DUS1L: variants seen among roughly 807,000 people sequenced by gnomAD.
DUS1L encodes the protein dihydrouridine synthase 1 like.
A neutral mutation model predicts 61.2 loss-of-function variants in DUS1L; 56 were observed. The observed-to-expected ratio is 0.92, with a 90% CI of 0.74 to 1.14. The LOEUF is 1.14. DUS1L is among the 50% of genes most tolerant of loss of function. DUS1L has a pLI of 0.00. For synonymous variants in DUS1L, 278 were observed against 259.5 expected (o/e 1.07, Z -0.69); for missense variants, 630 against 632.4 (o/e 1.00, Z 0.04).
At chr17:82,062,308 G>A (rs2033546771) in intron 5 of DUS1L, among the ~76,000 whole-genome samples, 1 of 152,230 alleles carries the variant, frequency 6.6e-6, no homozygotes. Context: ...AGGTGTGGGA[G>A]GGACTGACTC....
At position 82,065,072 on chromosome 17, in the gene DUS1L, G is replaced by A. The variant is rs2033705065; in HGVS notation, c.-10-3C>T. The A allele has an allele frequency of 6.3e-7, 1 of 1,581,468 alleles. No individual in the cohort carries two copies. The highest frequency in any genetic ancestry group is 2.2e-5 in the East Asian group (1 of 44,454). On this transcript the variant is annotated splice_region_variant and splice_polypyrimidine_tract_variant and intron_variant, in intron 1 of 13. Coordinates refer to ENST00000306796, the MANE Select transcript of DUS1L (RefSeq NM_022156.5). Reference sequence around the variant, plus strand: ...GCAGCTTTGGCATCGTCTCCAGGCTGGGGGAAAGGCGCAGACCCGGGGTTC... The same window carrying A: ...GCAGCTTTGGCATCGTCTCCAGGCTAGGGGAAAGGCGCAGACCCGGGGTTC...
At chr17:82,062,090 C>T in intron 5 of DUS1L, 107 bp from the exon 6 acceptor site, 4 of 986,028 alleles carry the variant, frequency 4.1e-6, no homozygotes, top group Non-Finnish European at 5.8e-6. Context: ...CTCCGAGCCC[C>T]CTCTGCCCCT....
chr17:82,064,295 C>T, intron 2 of DUS1L, 61 bp from the exon 3 acceptor site: 1 of 1,451,078 alleles, frequency 6.9e-7, no homozygotes, highest in East Asian at 2.4e-5. Context: ...TGCTGCCCAG[C>T]CCTACGAGAG....
intron 7 of DUS1L, 87 bp downstream of exon 7, chr17:82,061,531 G>A (rs1310228575): frequency 3.4e-6 from 5 of 1,450,392 alleles, no homozygotes; most frequent in Admixed American, 1.8e-5. Flanking sequence ...CCATGGGGAG[G>A]GCAGTAGGCA....
At chr17:82,058,912 C>G in intron 11 of DUS1L, 94 bp from the exon 12 acceptor site, 1 of 1,198,598 alleles carries the variant, frequency 8.3e-7, no homozygotes, top group Admixed American at 1.7e-5. Context: ...CTGCTGATGG[C>G]GTCCATGCCA....
intron 5 of DUS1L, 69 bp downstream of exon 5, chr17:82,062,792 G>A: frequency 7.3e-6 from 10 of 1,369,496 alleles, no homozygotes; most frequent in Non-Finnish European, 9.3e-6. Context: ...CACAGGAAGA[G>A]CCTCAGCTAT....
chr17:82,062,691 G>A (rs2033568124), intron 5 of DUS1L, among the ~76,000 whole-genome samples, 170 bp downstream of exon 5: 1 of 152,234 alleles, frequency 6.6e-6, no homozygotes, highest in African/African-American at 2.4e-5. Flanking sequence ...GTAGAGGCCT[G>A]GGCTTGGGGT....
At chr17:82,063,604 C>CGTGG in intron 3 of DUS1L, 86 bp from the exon 4 acceptor site, 3 of 1,566,812 alleles carry the variant, frequency 1.9e-6, no homozygotes, top group Non-Finnish European at 2.6e-6. Context: ...CCCTTTCCTG[C>CGTGG]ATCCACGCAG....
Position 82,061,944 on chromosome 17 carries a change from G to A in DUS1L, c.550C>T (p.Pro184Ser), listed in dbSNP as rs775199081. 2 of 1,610,718 alleles carry A rather than the reference G, an allele frequency of 1.2e-6. No homozygotes were observed. The highest frequency in any genetic ancestry group is 1.7e-6 in the Non-Finnish European group (2 of 1,178,830). ...VHGRTKEQKGPLSGAASWEHI... is the reference protein window; with the variant it reads ...VHGRTKEQKGSLSGAASWEHI... ...TCCCAGGACGCTGCACCCGACAGGG[G>A]CCCCTTCTGCTCCTTGGTGCGTCCG... Residue 184 changes from proline (P) to serine (S), a missense_variant, in exon 6 of 14, where the codon CCC (proline) becomes TCC (serine). Transcript: ENST00000306796.
chr17:82,058,028 C>T lies in DUS1L; in HGVS notation c.*87G>A. 7.1e-7 allele frequency: 1 copy of T among 1,418,398 alleles called. No individual in the cohort carries two copies. The highest frequency in any genetic ancestry group is 9.3e-7 in the Non-Finnish European group (1 of 1,080,324). The allele number at this position is 1,418,398 out of a possible 1,614,324, so 87.9% of individuals were successfully genotyped here. A position where few individuals can be genotyped will look rare whatever the true frequency, so the allele number is the denominator to read the frequency against. ...GGGCGTGTCTTTCCACATTAAGTAG[C>T]AGGAGATTCCCTGAGTAAAAGGCAT... On this transcript the variant is annotated 3_prime_UTR_variant, in exon 14 of 14. Coordinates refer to ENST00000306796, the MANE Select transcript of DUS1L (RefSeq NM_022156.5).
chr17:82,058,092 C>A lies in DUS1L; in HGVS notation c.*23G>T. On this transcript the variant is annotated 3_prime_UTR_variant, in exon 14 of 14. Transcript: ENST00000306796. ...ACGTGTCCAGGCTCCAGCAGCAGTC[C>A]TGGGGGTGGGGGTTGTGGGCCTTCA... The A allele has an allele frequency of 6.6e-7, 1 of 1,517,814 alleles. No individual in the cohort carries two copies. Among genetic ancestry groups the A allele is most frequent in the Non-Finnish European group, 8.9e-7 (1 of 1,129,322 alleles). 94.0% of individuals were successfully genotyped at this position (1,517,814 alleles called of 1,614,324 possible).
At chr17:82,059,644 A>C in intron 11 of DUS1L, 1 of 397,354 alleles carries the variant, frequency 2.5e-6, no homozygotes, top group Non-Finnish European at 4.6e-6. Context: ...GAGGCTGGGC[A>C]GGGGCAGCCG....
intron 2 of DUS1L, 91 bp downstream of exon 2, chr17:82,064,732 T>A: frequency 7.6e-7 from 1 of 1,313,134 alleles, no homozygotes; most frequent in Non-Finnish European, 1.1e-6. Flanking sequence ...AGGCTGAAAG[T>A]GATGTCCCGC....
intron 7 of DUS1L, 60 bp downstream of exon 7, chr17:82,061,558 T>C: frequency 3.2e-6 from 5 of 1,549,378 alleles, no homozygotes; most frequent in Non-Finnish European, 4.4e-6. Context: ...GGCACCGACC[T>C]GGGCGGTGGT....
chr17:82,062,053 C>A (rs2033532693), intron 5 of DUS1L, 70 bp from the exon 6 acceptor site: 2 of 1,375,378 alleles, frequency 1.5e-6, no homozygotes, highest in East Asian at 2.5e-5. Flanking sequence ...TCCGCCCCTC[C>A]ACGCCCCCTC....
chr17:82,059,775 C>T, intron 11 of DUS1L, 173 bp downstream of exon 11: 1 of 857,004 alleles, frequency 1.2e-6, no homozygotes, highest in South Asian at 1.6e-5. Flanking sequence ...GCACAGGGTC[C>T]CCGTTCTGAC....
chr17:82,064,059 C>G, intron 3 of DUS1L, 67 bp downstream of exon 3: 1 of 1,421,164 alleles, frequency 7.0e-7, no homozygotes, highest in Admixed American at 1.8e-5. Flanking sequence ...GCTCACCACA[C>G]CTGGGGCTGC....
chr17:82,065,160 C>A (rs1392123686), intron 1 of DUS1L, 91 bp from the exon 2 acceptor site: 1 of 1,139,758 alleles, frequency 8.8e-7, no homozygotes. Flanking sequence ...TCTAAGGCCG[C>A]TCCAGTACCA....
chr17:82,063,939 C>T (rs2033636943), intron 3 of DUS1L, among the ~76,000 whole-genome samples, 187 bp downstream of exon 3: 1 of 152,194 alleles, frequency 6.6e-6, no homozygotes, highest in Non-Finnish European at 1.5e-5. Flanking sequence ...GGGCTCGGCC[C>T]CTAGCCCCCA....
Sources: allele counts gnomAD v4.1 joint callset (sites outside exome capture counted in the v4.1 genomes callset), GRCh38; gene constraint gnomAD v4.1.1; transcripts MANE v1.5; gene names NCBI Gene and HGNC (gene_info 2026-07-23, HGNC 2026-07-21).